TTC28: variants seen among roughly 807,000 people sequenced by gnomAD.
The protein encoded by TTC28 is tetratricopeptide repeat protein 28.
Under a neutral mutation model 198.0 loss-of-function variants are expected in TTC28, and 61 were observed. The observed-to-expected ratio is 0.31, with a 90% CI of 0.25 to 0.38. The LOEUF (loss-of-function observed/expected upper bound fraction) is 0.38. TTC28 is among the 10% of genes least tolerant of loss of function. TTC28 has a pLI of 1.00. For synonymous variants in TTC28, 1,171 were observed against 1,297.8 expected (o/e 0.90, Z 2.10); for missense variants, 2,678 against 3,164.0 (o/e 0.85, Z 3.69).
chr22:28,331,892 T>C (rs748071749), intron 2 of TTC28, among the ~76,000 whole-genome samples: 1 of 152,084 alleles, frequency 6.6e-6, no homozygotes, highest in Non-Finnish European at 1.5e-5. Context: ...GGAGAAATTA[T>C]CCAAACTAAT....
chr22:28,343,967 A>G (rs2145914120), intron 2 of TTC28, among the ~76,000 whole-genome samples: 1 of 152,288 alleles, frequency 6.6e-6, no homozygotes, highest in South Asian at 2.1e-4. Flanking sequence ...ATAACCACAT[A>G]TATGTATAAA....
chr22:28,311,839 T>C (rs2045263262), intron 2 of TTC28, among the ~76,000 whole-genome samples: 1 of 152,012 alleles, frequency 6.6e-6, no homozygotes, highest in African/African-American at 2.4e-5. Context: ...TCCCAGACTC[T>C]GCTAACCATC....
intron 2 of TTC28, among the ~76,000 whole-genome samples, chr22:28,381,145 AAAAG>A (rs1476677954): frequency 1.3e-5 from 2 of 151,898 alleles, no homozygotes; most frequent in Non-Finnish European, 2.9e-5. Context: ...AAAAAAAAAA[AAAAG>A]AAAAGAAAAA....
rs1246682898 is a variant in TTC28 at position 28,228,428 on chromosome 22, G to A, written c.934-64829C>T. On this transcript the variant is annotated intron_variant, in intron 5 of 22. Coordinates refer to ENST00000397906, the MANE Select transcript of TTC28 (RefSeq NM_001145418.2). The stretch of plus-strand genomic sequence containing the variant: ...TAAAAATACATGTTTGGCCAGGTGC[G>A]GTAGCTCATGCCTGTAATCCCAGCA... Among the ~76,000 whole-genome samples the A allele has an allele frequency of 3.9e-5, 6 of 152,246 alleles. No individual in the cohort carries two copies. The East Asian group carries it at 9.6e-4, about 24-fold the overall frequency.
intron 1 of TTC28, among the ~76,000 whole-genome samples, chr22:28,637,392 G>C (rs1049729794): frequency 1.3e-5 from 2 of 152,150 alleles, no homozygotes; most frequent in Non-Finnish European, 2.9e-5. Context: ...TATGGCATGT[G>C]ATAGCCAGTT....
At chr22:28,296,118 A>T in intron 5 of TTC28, 80 bp downstream of exon 5, 2 of 1,384,944 alleles carry the variant, frequency 1.4e-6, no homozygotes, top group Non-Finnish European at 1.9e-6. Context: ...TACCTGAAAC[A>T]GTTTGTTTTT....
At chr22:28,512,997 T>A (rs2048713652) in intron 2 of TTC28, among the ~76,000 whole-genome samples, 1 of 151,094 alleles carries the variant, frequency 6.6e-6, no homozygotes, top group Admixed American at 6.6e-5. Context: ...TTTTTTTTTT[T>A]TTGAGACAGT....
chr22:28,634,672 G>A (rs1359905583), intron 1 of TTC28, among the ~76,000 whole-genome samples: 2 of 149,204 alleles, frequency 1.3e-5, no homozygotes, highest in East Asian at 2.0e-4. Flanking sequence ...TGCAACCTTC[G>A]CCTCCAGGTT....
intron 2 of TTC28, among the ~76,000 whole-genome samples, chr22:28,337,578 C>T (rs868780242): frequency 6.6e-6 from 1 of 152,204 alleles, no homozygotes; most frequent in South Asian, 2.1e-4. Flanking sequence ...TGAATTGATC[C>T]CTTTACCATT....
intron 12 of TTC28, among the ~76,000 whole-genome samples, chr22:28,041,696 C>G (rs1037452247): frequency 6.6e-6 from 1 of 152,146 alleles, no homozygotes; most frequent in Non-Finnish European, 1.5e-5. Flanking sequence ...GCCTAAAACA[C>G]CAAAAGCAAT....
At chr22:28,098,418 G>T (rs1288559049) in intron 10 of TTC28, among the ~76,000 whole-genome samples, 1 of 152,140 alleles carries the variant, frequency 6.6e-6, no homozygotes, top group Non-Finnish European at 1.5e-5. Flanking sequence ...CCAGACAAGA[G>T]ACTTTGTTTC....
intron 5 of TTC28, among the ~76,000 whole-genome samples, chr22:28,250,471 T>C (rs931988585): frequency 6.6e-6 from 1 of 152,160 alleles, no homozygotes; most frequent in Non-Finnish European, 1.5e-5. Flanking sequence ...GTAAGAGGTA[T>C]CTGTGGTATC....
At chr22:28,286,186 T>C (rs965765194) in intron 5 of TTC28, among the ~76,000 whole-genome samples, 1 of 151,884 alleles carries the variant, frequency 6.6e-6, no homozygotes, top group Admixed American at 6.6e-5. Context: ...TTCCCATTTA[T>C]GAAAAATAAA....
intron 2 of TTC28, among the ~76,000 whole-genome samples, chr22:28,532,052 C>A (rs1049700079): frequency 2.6e-5 from 4 of 152,054 alleles, no homozygotes; most frequent in African/African-American, 7.2e-5. Flanking sequence ...CAAGAAATAA[C>A]TAAGATCAGA....
At chr22:28,559,172 C>T (rs868047294) in intron 2 of TTC28, among the ~76,000 whole-genome samples, 2 of 152,156 alleles carry the variant, frequency 1.3e-5, no homozygotes, top group African/African-American at 4.8e-5. Flanking sequence ...ATGCATGCCC[C>T]TAGATATCTT....
intron 2 of TTC28, among the ~76,000 whole-genome samples, chr22:28,358,192 G>C (rs192365856): frequency 6.6e-6 from 1 of 152,084 alleles, no homozygotes; most frequent in South Asian, 2.1e-4. Flanking sequence ...TTTTTTGGTC[G>C]AACTAATATG....
chr22:28,225,798 C>T (rs1474761129), intron 5 of TTC28, among the ~76,000 whole-genome samples: 1 of 152,192 alleles, frequency 6.6e-6, no homozygotes, highest in Non-Finnish European at 1.5e-5. Context: ...TACCTCCTTA[C>T]CCCTATTACC....
At chr22:28,093,966 G>A in intron 12 of TTC28, 114 bp downstream of exon 12, 2 of 1,125,566 alleles carry the variant, frequency 1.8e-6, no homozygotes, top group Non-Finnish European at 2.5e-6. Flanking sequence ...AACAGACTGA[G>A]CGCAACTACA....
intron 2 of TTC28, among the ~76,000 whole-genome samples, chr22:28,369,026 A>G (rs908136954): frequency 1.3e-5 from 2 of 152,148 alleles, no homozygotes; most frequent in African/African-American, 2.4e-5. Flanking sequence ...TTCTTCACAG[A>G]AGTAGAAAAA....
Sources: allele counts gnomAD v4.1 joint callset (sites outside exome capture counted in the v4.1 genomes callset), GRCh38; gene constraint gnomAD v4.1.1; transcripts MANE v1.5; gene names NCBI Gene and HGNC (gene_info 2026-07-23, HGNC 2026-07-21).